CTIF: variants seen among roughly 807,000 people sequenced by gnomAD.
The protein encoded by CTIF is cap binding complex dependent translation initiation factor.
A neutral mutation model predicts 66.0 loss-of-function variants in CTIF; 21 were observed. The ratio of observed to expected loss-of-function variants is 0.32; its 90% CI spans 0.23 to 0.46. The LOEUF is 0.46. Ranked by LOEUF, CTIF falls within the 20% of genes least tolerant of loss-of-function variation. CTIF has a pLI of 1.00. For missense variants in CTIF, 739 were observed against 812.7 expected, an observed-to-expected ratio of 0.91 and a Z score of 1.10; for synonymous variants, 345 against 326.4, an observed-to-expected ratio of 1.06 and a Z score of -0.62.
At chr18:48,546,008 GC>G (rs1568023089) in intron 1 of CTIF, among the ~76,000 whole-genome samples, 3 of 152,132 alleles carry the variant, frequency 2.0e-5, no homozygotes, top group African/African-American at 7.2e-5. Context: ...GAGGCATTTC[GC>G]TTTTTAACAT....
At chr18:48,678,848 C>G (rs1020504347) in intron 6 of CTIF, among the ~76,000 whole-genome samples, 1 of 152,196 alleles carries the variant, frequency 6.6e-6, no homozygotes, top group East Asian at 1.9e-4. Context: ...CTCAATGATC[C>G]AGGCCACGGC....
At chr18:48,605,407 A>G (rs974813991) in intron 1 of CTIF, among the ~76,000 whole-genome samples, 2 of 152,042 alleles carry the variant, frequency 1.3e-5, no homozygotes, top group African/African-American at 2.4e-5. Context: ...CTCCTTCTCC[A>G]TGTCTCAGTG....
intron 6 of CTIF, among the ~76,000 whole-genome samples, chr18:48,695,945 G>A (rs946500271): frequency 2.6e-5 from 4 of 152,246 alleles, no homozygotes; most frequent in African/African-American, 9.6e-5. Flanking sequence ...GCCCAAGCCT[G>A]GTCTTGCTGT....
At position 48,713,725 on chromosome 18, in the gene CTIF, T is replaced by C. The variant is rs115816124; in HGVS notation, c.584+2030T>C. 6.7e-3 allele frequency among the ~76,000 whole-genome samples: 1,021 copies of C among 152,228 alleles called. 15 individuals carry two copies. Among genetic ancestry groups the C allele is most frequent in the African/African-American group, 0.023 (970 of 41,552 alleles). On this transcript the variant is annotated intron_variant, in intron 7 of 11. Coordinates refer to ENST00000256413, the MANE Select transcript of CTIF (RefSeq NM_014772.3). ...TGCCGTGAAACTCATGAAAGATTTA[T>C]ACGGAGAGATGAGGGGCCGCTGCCT...
intron 1 of CTIF, among the ~76,000 whole-genome samples, chr18:48,587,301 C>T (rs1047316545): frequency 1.4e-4 from 21 of 151,296 alleles, no homozygotes; most frequent in Non-Finnish European, 2.9e-4. Flanking sequence ...AGGCTGGTCT[C>T]GAACTCCTGA....
At chr18:48,806,868 CAATA>C (rs1448312471) in intron 9 of CTIF, among the ~76,000 whole-genome samples, 1 of 152,140 alleles carries the variant, frequency 6.6e-6, no homozygotes, top group Non-Finnish European at 1.5e-5. Context: ...AGCAGTACGT[CAATA>C]AATAGTTTTA....
intron 2 of CTIF, among the ~76,000 whole-genome samples, chr18:48,634,969 TTAAATA>T (rs2090786301): frequency 6.6e-6 from 1 of 152,246 alleles, no homozygotes; most frequent in Admixed American, 6.5e-5. Context: ...ATGTATTAGA[TTAAATA>T]TAATATATTA....
chr18:48,562,362 T>C (rs2089182905), intron 1 of CTIF, among the ~76,000 whole-genome samples: 1 of 152,202 alleles, frequency 6.6e-6, no homozygotes, highest in African/African-American at 2.4e-5. Flanking sequence ...AAGGCAAAAT[T>C]TGAATTCAGG....
intron 1 of CTIF, among the ~76,000 whole-genome samples, chr18:48,589,301 G>A (rs1363668023): frequency 6.6e-6 from 1 of 152,102 alleles, no homozygotes. Context: ...CTCCTGGCTC[G>A]AGGCAGCTCC....
chr18:48,801,009 C>T (rs2068038218), intron 9 of CTIF, among the ~76,000 whole-genome samples: 1 of 152,206 alleles, frequency 6.6e-6, no homozygotes, highest in Non-Finnish European at 1.5e-5. Flanking sequence ...CACAGGTGGC[C>T]CAAGCCTCCT....
chr18:48,635,457 A>G (rs1044305475), intron 2 of CTIF, among the ~76,000 whole-genome samples: 4 of 151,256 alleles, frequency 2.6e-5, no homozygotes, highest in African/African-American at 9.7e-5. Flanking sequence ...CCAAGTAGCT[A>G]GGACAGCAGG....
At position 48,783,015 on chromosome 18, in the gene CTIF, G is replaced by GT. The variant is rs780783570; in HGVS notation, c.1371+21331dup. On this transcript the variant is annotated intron_variant, in intron 9 of 11. Coordinates refer to ENST00000256413, the MANE Select transcript of CTIF (RefSeq NM_014772.3). Reference sequence around the variant, plus strand: ...TCCCAGAACACCCCAGATTACAGATGTTTTTCTCCTTCATCTCCAATTAAC... The same window carrying GT: ...TCCCAGAACACCCCAGATTACAGATGTTTTTTCTCCTTCATCTCCAATTAAC... Among the ~76,000 whole-genome samples the GT allele has an allele frequency of 3.1e-4, 47 of 152,248 alleles. 1 individual carries two copies. The highest frequency in any genetic ancestry group is 5.6e-4 in the Non-Finnish European group (38 of 68,044).
intron 6 of CTIF, among the ~76,000 whole-genome samples, chr18:48,693,118 A>G (rs1296004896): frequency 1.3e-5 from 2 of 152,162 alleles, no homozygotes; most frequent in Non-Finnish European, 2.9e-5. Context: ...GCCACAGAGA[A>G]ATGTACTAGA....
chr18:48,749,632 A>G (rs1907603888), intron 7 of CTIF, among the ~76,000 whole-genome samples: 1 of 152,256 alleles, frequency 6.6e-6, no homozygotes, highest in South Asian at 2.1e-4. Context: ...TAGCACTTGT[A>G]TCAAGTCCTT....
At chr18:48,601,748 T>C (rs1321882413) in intron 1 of CTIF, among the ~76,000 whole-genome samples, 1 of 152,252 alleles carries the variant, frequency 6.6e-6, no homozygotes, top group African/African-American at 2.4e-5. Flanking sequence ...CTGTCTTGTA[T>C]GCTCTAAAAC....
intron 2 of CTIF, among the ~76,000 whole-genome samples, chr18:48,630,174 C>T (rs1003091414): frequency 6.6e-5 from 10 of 152,156 alleles, no homozygotes; most frequent in Non-Finnish European, 2.9e-5. Context: ...CTGCGCGTCA[C>T]TGCCCAGCCC....
chr18:48,625,191 G>C lies in CTIF; in HGVS notation c.180+5446G>C, dbSNP rs1030827053. ...TTTCCTGATGTCTTTGCTCACAGGA[G>C]GAAGTACTCAATGGTGGACCACCCA... On this transcript the variant is annotated intron_variant, in intron 2 of 11. Transcript: ENST00000256413. 5.1e-6 allele frequency: 5 copies of C among 984,350 alleles called. No individual in the cohort carries two copies. In the South Asian group the frequency reaches 1.9e-4, roughly 37 times the overall value. The allele number at this position is 984,350 out of a possible 1,614,324, so 61.0% of individuals were successfully genotyped here. A position where few individuals can be genotyped will look rare whatever the true frequency, so the allele number is the denominator to read the frequency against.
intron 6 of CTIF, among the ~76,000 whole-genome samples, chr18:48,672,908 C>T (rs1219867843): frequency 2.6e-5 from 4 of 152,166 alleles, no homozygotes; most frequent in Non-Finnish European, 5.9e-5. Context: ...TCCTGTGGCC[C>T]TGTCAGTCCC....
At chr18:48,585,806 G>C (rs1156280632) in intron 1 of CTIF, among the ~76,000 whole-genome samples, 1 of 152,174 alleles carries the variant, frequency 6.6e-6, no homozygotes, top group African/African-American at 2.4e-5. Flanking sequence ...TCGGCTCAGA[G>C]CGTTTCAGCC....
Sources: gnomAD v4.1 joint callset for allele counts (sites outside exome capture counted in the v4.1 genomes callset) on GRCh38, gnomAD v4.1.1 for gene constraint, MANE v1.5 for transcripts, NCBI Gene and HGNC (gene_info 2026-07-23, HGNC 2026-07-21) for gene names.